Variants in PCDHA3 observed in about 807,000 individuals in gnomAD.
PCDHA3 encodes the protein protocadherin alpha 3.
In PCDHA3, 41 loss-of-function variants were observed where a neutral mutation model predicts 62.2. That is an observed-to-expected ratio of 0.66 (90% confidence interval 0.51 to 0.86). PCDHA3 has a LOEUF of 0.86. Among genes scored for constraint, PCDHA3 ranks in the 40% least tolerant of loss-of-function variants. The pLI is 0.00. For synonymous variants in PCDHA3, 640 were observed against 555.4 expected (o/e 1.15, Z -2.14); for missense variants, 1,304 against 1,241.2 (o/e 1.05, Z -0.76).
intron 3 of PCDHA3, among the ~76,000 whole-genome samples, chr5:141,007,109 GA>G (rs1473367544): frequency 6.6e-6 from 1 of 152,138 alleles, no homozygotes; most frequent in Non-Finnish European, 1.5e-5. Flanking sequence ...CAAACCCAAG[GA>G]AGCTTCAACA....
At chr5:140,875,684 A>T (rs1236163720) in intron 1 of PCDHA3, 1 of 1,613,854 alleles carries the variant, frequency 6.2e-7, no homozygotes, top group Non-Finnish European at 8.5e-7. Flanking sequence ...TCCAAAAGAC[A>T]CGGGGACCTT....
rs782148660 is a variant in PCDHA3, at chr5:140,801,466, T to C, written c.269T>C (p.Ile90Thr). ...QNGILFVNSR[I>T]DREELCGRSA... The stretch of plus-strand genomic sequence containing the variant: ...GGCATTTTGTTTGTGAATTCTCGGA[T>C]AGACCGCGAGGAACTGTGCGGGCGG... The change falls in exon 1 of 4, where the codon ATA (isoleucine) becomes ACA (threonine). Residue 90 changes from isoleucine (I) to threonine (T), a missense_variant. Ile to Thr is a moderately conservative substitution (Grantham distance 89, BLOSUM62 -1). Transcript: ENST00000522353. The C allele has an allele frequency of 1.2e-6, 2 of 1,614,040 alleles. No individual in the cohort carries two copies. Among genetic ancestry groups the C allele is most frequent in the Admixed American group, 1.7e-5 (1 of 60,030 alleles).
chr5:140,997,565 A>T (rs552009994), intron 3 of PCDHA3, among the ~76,000 whole-genome samples: 1 of 152,174 alleles, frequency 6.6e-6, no homozygotes, highest in Non-Finnish European at 1.5e-5. Context: ...CAACTGTCAT[A>T]TGTGTGGTCC....
At chr5:140,994,081 G>A (rs147535219) in intron 3 of PCDHA3, among the ~76,000 whole-genome samples, 2 of 152,260 alleles carry the variant, frequency 1.3e-5, no homozygotes, top group Admixed American at 6.5e-5. Flanking sequence ...AGGGAGAAAT[G>A]TAAAGAAATA....
rs782745865 is a variant in PCDHA3, at chr5:140,809,475, G to A, written c.2394+5884G>A. The stretch of plus-strand genomic sequence containing the variant: ...AGGCCGAGGGTGTGCTCTGGTGAGG[G>A]CCCACCCAAGACCGACCTCATGGCC... On this transcript the variant is annotated intron_variant, in intron 1 of 3. Transcript: ENST00000522353. 6.8e-6 allele frequency: 11 copies of A among 1,614,216 alleles called. No homozygotes were observed. In the East Asian group the frequency reaches 2.0e-4, roughly 29 times the overall value.
chr5:140,827,962 TA>T, intron 1 of PCDHA3: 1 of 1,320,364 alleles, frequency 7.6e-7, no homozygotes, highest in South Asian at 1.4e-5. Flanking sequence ...TTTCTTCTAT[TA>T]CTGCATCATT....
intron 1 of PCDHA3, among the ~76,000 whole-genome samples, chr5:140,902,368 A>G (rs1554190412): frequency 6.6e-6 from 1 of 151,696 alleles, no homozygotes; most frequent in Admixed American, 6.6e-5. Flanking sequence ...TCTCTTGTCT[A>G]ATTGCTCTAG....
chr5:141,004,642 C>T (rs1470971220), intron 3 of PCDHA3, among the ~76,000 whole-genome samples: 1 of 152,120 alleles, frequency 6.6e-6, no homozygotes, highest in African/African-American at 2.4e-5. Context: ...GAAAAATTTC[C>T]ATTTTGGGCT....
intron 1 of PCDHA3, among the ~76,000 whole-genome samples, chr5:140,963,839 G>A (rs566875036): frequency 1.3e-5 from 2 of 152,290 alleles, no homozygotes; most frequent in African/African-American, 2.4e-5. Flanking sequence ...ATTTTCTCAT[G>A]TAATCATAAT....
chr5:140,807,289 G>A, intron 1 of PCDHA3: 1 of 1,614,180 alleles, frequency 6.2e-7, no homozygotes, highest in African/African-American at 1.3e-5. Flanking sequence ...TCCACTACTC[G>A]GTCTCCGAGG....
chr5:140,829,810 T>G (rs144082627), intron 1 of PCDHA3: 1 of 1,613,750 alleles, frequency 6.2e-7, no homozygotes, highest in African/African-American at 1.3e-5. Flanking sequence ...TGGGTGGTAC[T>G]GGTGGTGCAG....
rs1362509837 is a variant in PCDHA3, at chr5:140,884,388, T to A, written c.2394+80797T>A. On this transcript the variant is annotated intron_variant, in intron 1 of 3. Transcript: ENST00000522353. ...TACTTGATCATTGCCATCTGCGCGG[T>A]GTCCAGCCTGTTGGTGCTCACGTTG... 3 of 1,613,960 alleles carry A rather than the reference T, an allele frequency of 1.9e-6. No individual in the cohort carries two copies. In the Admixed American group the frequency reaches 5.0e-5, roughly 27 times the overall value.
At chr5:140,849,820 C>A (rs2150451868) in intron 1 of PCDHA3, 1 of 1,598,424 alleles carries the variant, frequency 6.3e-7, no homozygotes, top group South Asian at 1.1e-5. Context: ...GCCAGGGTGT[C>A]TGTGGAGGTG....
Position 141,010,389 on chromosome 5 carries a change from G to A in PCDHA3, c.*452G>A. The A allele has an allele frequency of 1.4e-6, 2 of 1,400,314 alleles. No individual in the cohort carries two copies. Among genetic ancestry groups the A allele is most frequent in the Non-Finnish European group, 1.9e-6 (2 of 1,052,510 alleles). The allele number at this position is 1,400,314 out of a possible 1,614,324, so 86.7% of individuals were successfully genotyped here. ...TATGCGAGTGCCAGATATTGGCTGA[G>A]ACGAGCCAGCTTAGACTAATTGGTA... On this transcript the variant is annotated 3_prime_UTR_variant, in exon 4 of 4. Coordinates refer to ENST00000522353, the MANE Select transcript of PCDHA3 (RefSeq NM_018906.3).
intron 1 of PCDHA3, among the ~76,000 whole-genome samples, chr5:140,912,626 G>A (rs189482006): frequency 6.6e-6 from 1 of 152,190 alleles, no homozygotes; most frequent in East Asian, 1.9e-4. Context: ...CTCTGGATGA[G>A]ACTTTCAGTA....
intron 1 of PCDHA3, among the ~76,000 whole-genome samples, chr5:140,902,478 T>C (rs190206747): frequency 6.6e-6 from 1 of 152,312 alleles, no homozygotes; most frequent in African/African-American, 2.4e-5. Context: ...AGTTTTTGCC[T>C]GCTCAGTATG....
intron 3 of PCDHA3, among the ~76,000 whole-genome samples, chr5:140,996,886 T>C (rs1396322934): frequency 6.6e-6 from 1 of 152,218 alleles, no homozygotes; most frequent in Non-Finnish European, 1.5e-5. Context: ...TATTTTTAAA[T>C]AAAATAGAAT....
At chr5:140,916,379 C>G (rs180755548) in intron 1 of PCDHA3, among the ~76,000 whole-genome samples, 2 of 152,302 alleles carry the variant, frequency 1.3e-5, no homozygotes, top group Admixed American at 6.5e-5. Context: ...GTAGCCACCA[C>G]AACTAGGAAT....
At chr5:140,980,585 G>A (rs1181393743) in intron 2 of PCDHA3, among the ~76,000 whole-genome samples, 2 of 151,902 alleles carry the variant, frequency 1.3e-5, no homozygotes, top group African/African-American at 2.4e-5. Flanking sequence ...AGCCAAGATC[G>A]AGCCACTGCA....
Sources: gnomAD v4.1 joint callset for allele counts (sites outside exome capture counted in the v4.1 genomes callset) on GRCh38, gnomAD v4.1.1 for gene constraint, MANE v1.5 for transcripts, NCBI Gene and HGNC (gene_info 2026-07-23, HGNC 2026-07-21) for gene names.